Variants in EHBP1 observed in about 807,000 individuals in gnomAD.
EHBP1 encodes EH domain-binding protein 1.
In EHBP1, 55 loss-of-function variants were observed where a neutral mutation model predicts 144.0. The ratio of observed to expected loss-of-function variants is 0.38; its 90% CI spans 0.31 to 0.48. EHBP1 has a LOEUF of 0.48. Among genes scored for constraint, EHBP1 ranks in the 20% least tolerant of loss-of-function variants. The pLI is 0.98. For missense variants in EHBP1, 1,200 were observed against 1,364.2 expected, an observed-to-expected ratio of 0.88 and a Z score of 1.90; for synonymous variants, 469 against 472.7, an observed-to-expected ratio of 0.99 and a Z score of 0.10.
At chr2:62,733,730 C>A (rs1276584747) in intron 2 of EHBP1, among the ~76,000 whole-genome samples, 1 of 152,206 alleles carries the variant, frequency 6.6e-6, no homozygotes, top group Non-Finnish European at 1.5e-5. Flanking sequence ...CCAGTCTGCA[C>A]TGTGAGAGAA....
At chr2:62,844,362 A>G (rs1213715382) in intron 7 of EHBP1, among the ~76,000 whole-genome samples, 1 of 152,178 alleles carries the variant, frequency 6.6e-6, no homozygotes, top group Admixed American at 6.5e-5. Context: ...TATTGATGCT[A>G]CTTCTATAGA....
At chr2:62,760,782 T>G (rs965923828) in intron 3 of EHBP1, among the ~76,000 whole-genome samples, 2 of 152,210 alleles carry the variant, frequency 1.3e-5, no homozygotes, top group East Asian at 3.8e-4. Flanking sequence ...GTCTGGGCTC[T>G]CCTCCTGGTT....
At chr2:63,003,891 G>C (rs1423426689) in intron 19 of EHBP1, among the ~76,000 whole-genome samples, 1 of 152,040 alleles carries the variant, frequency 6.6e-6, no homozygotes, top group Non-Finnish European at 1.5e-5. Flanking sequence ...AAATATTTAG[G>C]AGAGATAGTA....
chr2:62,984,789 A>G (rs886433181), intron 15 of EHBP1, among the ~76,000 whole-genome samples: 1 of 152,188 alleles, frequency 6.6e-6, no homozygotes, highest in African/African-American at 2.4e-5. Flanking sequence ...CTATATGAAC[A>G]TTGAGTTAAC....
chr2:62,834,976 C>A (rs1221298252), intron 7 of EHBP1, among the ~76,000 whole-genome samples: 1 of 152,138 alleles, frequency 6.6e-6, no homozygotes, highest in African/African-American at 2.4e-5. Flanking sequence ...TTTTTAAAGA[C>A]AGAAAACTTC....
chr2:62,726,926 G>A (rs1157039570), intron 2 of EHBP1, among the ~76,000 whole-genome samples: 1 of 151,696 alleles, frequency 6.6e-6, no homozygotes, highest in African/African-American at 2.4e-5. Context: ...GCAGTGGTGC[G>A]ATCTCGGCTC....
chr2:62,839,425 C>G (rs1435473384), intron 7 of EHBP1, among the ~76,000 whole-genome samples: 10 of 141,768 alleles, frequency 7.1e-5, no homozygotes, highest in African/African-American at 2.7e-4. Context: ...CCTTTGAAAA[C>G]TGGCACAAGA....
chr2:63,032,697 A>G (rs1004090893), intron 19 of EHBP1, among the ~76,000 whole-genome samples: 42 of 152,104 alleles, frequency 2.8e-4, no homozygotes, highest in African/African-American at 5.3e-4. Context: ...TTATTGAGGA[A>G]GAACTTTGGT....
intron 10 of EHBP1, among the ~76,000 whole-genome samples, chr2:62,888,147 A>G (rs985339973): frequency 3.9e-5 from 6 of 152,148 alleles, no homozygotes; most frequent in Admixed American, 3.3e-4. Context: ...CATCTGCACC[A>G]CCCTAAAAGT....
chr2:62,989,186 T>G (rs2059315141), intron 15 of EHBP1, among the ~76,000 whole-genome samples: 1 of 152,130 alleles, frequency 6.6e-6, no homozygotes. Flanking sequence ...ACTACAGAAC[T>G]TGGTTAGGTT....
chr2:62,795,051 A>G (rs2043442511), intron 5 of EHBP1, among the ~76,000 whole-genome samples: 1 of 152,130 alleles, frequency 6.6e-6, no homozygotes, highest in African/African-American at 2.4e-5. Context: ...CAGAAAAAAA[A>G]AATCAAATCT....
rs114610631 is a variant in EHBP1, at chr2:62,767,156, A to C, written c.258+2795A>C. On this transcript the variant is annotated intron_variant, in intron 4 of 22. Coordinates refer to ENST00000431489, the MANE Select transcript of EHBP1 (RefSeq NM_001142616.3). ...TTCCAGCTGTTTATTTAACCTCTGC[A>C]CTGAAGAAAACGTTGCCGCTAGCGG... Among the ~76,000 whole-genome samples, 316 of 152,176 alleles carry C rather than the reference A, an allele frequency of 2.1e-3. 2 individuals are homozygous for C. Among genetic ancestry groups the C allele is most frequent in the African/African-American group, 6.7e-3 (277 of 41,528 alleles).
rs1333942975 is a variant in EHBP1 at position 62,874,546 on chromosome 2, C to G, written c.1185+14C>G. ...ACTTCTCCTAAGGTAGGATTTTATT[C>G]ATAGTAAAACATGTATTAATATTTG... On this transcript the variant is annotated intron_variant, in intron 10 of 22. Transcript: ENST00000431489. 3 of 1,539,966 alleles carry G rather than the reference C, an allele frequency of 1.9e-6. No homozygotes were observed. In the African/African-American group the frequency reaches 4.2e-5, roughly 21 times the overall value.
At chr2:62,894,536 GGGCAA>G (rs2052723846) in intron 10 of EHBP1, among the ~76,000 whole-genome samples, 2 of 152,124 alleles carry the variant, frequency 1.3e-5, no homozygotes, top group Admixed American at 6.5e-5. Flanking sequence ...AGGAACAGGT[GGGCAA>G]ATGCATTGAA....
At chr2:62,751,034 G>A (rs2152211134) in intron 3 of EHBP1, among the ~76,000 whole-genome samples, 1 of 152,298 alleles carries the variant, frequency 6.6e-6, no homozygotes. Context: ...AATAGGAGTG[G>A]TGAGAGAGGG....
chr2:62,766,041 A>G (rs1327637446), intron 4 of EHBP1, among the ~76,000 whole-genome samples: 2 of 152,112 alleles, frequency 1.3e-5, no homozygotes, highest in Non-Finnish European at 2.9e-5. Flanking sequence ...AAAGAAACTT[A>G]TTTTGGCAGG....
intron 9 of EHBP1, 28 bp from the exon 10 acceptor site, chr2:62,874,317 CA>C (rs770538575): frequency 1.3e-4 from 188 of 1,461,942 alleles, no homozygotes; most frequent in Non-Finnish European, 1.5e-4. Flanking sequence ...TTTTGAGAGA[CA>C]TCTAACAATA....
chr2:62,689,791 T>C (rs2151744287), intron 1 of EHBP1, among the ~76,000 whole-genome samples: 2 of 152,338 alleles, frequency 1.3e-5, no homozygotes, highest in Middle Eastern at 6.8e-3. Context: ...ACCATTTGAT[T>C]GCATGTTTAT....
chr2:62,727,667 A>G (rs2036961758), intron 2 of EHBP1, among the ~76,000 whole-genome samples: 1 of 152,192 alleles, frequency 6.6e-6, no homozygotes, highest in South Asian at 2.1e-4. Context: ...AATCTATTAT[A>G]TGGATATGTT....
Sources: allele counts gnomAD v4.1 joint callset (sites outside exome capture counted in the v4.1 genomes callset), GRCh38; gene constraint gnomAD v4.1.1; transcripts MANE v1.5; gene names NCBI Gene and HGNC (gene_info 2026-07-23, HGNC 2026-07-21).